Variants in SCFD1 observed in about 807,000 individuals in gnomAD.
The protein encoded by SCFD1 is sec1 family domain-containing protein 1.
Under a neutral mutation model 103.2 loss-of-function variants are expected in SCFD1, and 37 were observed. That is an observed-to-expected ratio of 0.36 (90% CI 0.28 to 0.47). The LOEUF is 0.47. SCFD1 is among the 20% of genes least tolerant of loss of function. The pLI, the probability that SCFD1 is intolerant of heterozygous loss-of-function variation, is 1.00. For missense variants in SCFD1, 639 were observed against 761.2 expected (o/e 0.84, Z 1.89); for synonymous variants, 264 against 245.0 (o/e 1.08, Z -0.73).
intron 10 of SCFD1, among the ~76,000 whole-genome samples, chr14:30,667,444 A>G (rs1318948228): frequency 1.3e-5 from 2 of 152,226 alleles, no homozygotes; most frequent in African/African-American, 2.4e-5. Context: ...CCTACAGCCA[A>G]TATCATACTG....
chr14:30,709,731 C>T (rs543835404), intron 19 of SCFD1, among the ~76,000 whole-genome samples: 12 of 152,290 alleles, frequency 7.9e-5, no homozygotes, highest in Admixed American at 4.6e-4. Flanking sequence ...CTATACTTTA[C>T]GGCTTAGCCT....
chr14:30,673,531 A>G (rs1290454988), intron 12 of SCFD1, among the ~76,000 whole-genome samples, 184 bp downstream of exon 12: 1 of 152,196 alleles, frequency 6.6e-6, no homozygotes, highest in African/African-American at 2.4e-5. Flanking sequence ...AAAATAATAT[A>G]TGATTTGAAA....
At chr14:30,649,728 G>T in intron 8 of SCFD1, 145 bp downstream of exon 8, 1 of 634,818 alleles carries the variant, frequency 1.6e-6, no homozygotes, top group South Asian at 1.9e-5. Flanking sequence ...TTATTACATT[G>T]AGATTGCACC....
chr14:30,645,471 C>A (rs1279685404), intron 7 of SCFD1, among the ~76,000 whole-genome samples: 1 of 152,098 alleles, frequency 6.6e-6, no homozygotes, highest in Non-Finnish European at 1.5e-5. Flanking sequence ...GAACATGGAA[C>A]GTTTTTCCAT....
rs73251178 is a variant in SCFD1, at chr14:30,651,906, A to G, written c.755+1256A>G. Among the ~76,000 whole-genome samples the G allele has an allele frequency of 8.9e-3, 1,356 of 152,312 alleles. 23 individuals are homozygous for G. The highest frequency in any genetic ancestry group is 0.03 in the African/African-American group (1,261 of 41,566). On this transcript the variant is annotated intron_variant, in intron 9 of 24. Coordinates refer to ENST00000458591, the MANE Select transcript of SCFD1 (RefSeq NM_016106.4). ...GACATGTTTGGTTGTCATAACTGGTAGGTGTTACTAGAATCTTGTATACAT... is the reference window on the plus strand; with the variant it reads ...GACATGTTTGGTTGTCATAACTGGTGGGTGTTACTAGAATCTTGTATACAT...
At chr14:30,650,476 T>C in intron 8 of SCFD1, 89 bp from the exon 9 acceptor site, 1 of 757,494 alleles carries the variant, frequency 1.3e-6, no homozygotes, top group Middle Eastern at 3.3e-4. Context: ...TCCAGGTTTC[T>C]TGGTTATGAA....
chr14:30,656,477 G>A (rs1886914613), intron 10 of SCFD1, among the ~76,000 whole-genome samples: 1 of 152,148 alleles, frequency 6.6e-6, no homozygotes, highest in Admixed American at 6.5e-5. Context: ...ATTGTAGGAT[G>A]TTTAGCATCA....
intron 21 of SCFD1, 144 bp downstream of exon 21, chr14:30,719,521 C>T (rs193249924): frequency 2.0e-4 from 126 of 626,618 alleles, no homozygotes; most frequent in African/African-American, 2.0e-3. Flanking sequence ...TCTCATTATC[C>T]AGAGATATCT....
At chr14:30,670,026 A>G in intron 10 of SCFD1, 2 of 376,476 alleles carry the variant, frequency 5.3e-6, no homozygotes, top group Non-Finnish European at 4.7e-6. Context: ...AGGATACACA[A>G]GCATATTGAC....
chr14:30,625,939 C>T (rs190529854), intron 1 of SCFD1, among the ~76,000 whole-genome samples: 12 of 152,124 alleles, frequency 7.9e-5, no homozygotes, highest in Admixed American at 3.3e-4. Context: ...CTCAGGCTTT[C>T]GTTCTTCCAA....
chr14:30,672,841 T>C (rs2139214902), intron 11 of SCFD1, among the ~76,000 whole-genome samples: 1 of 152,320 alleles, frequency 6.6e-6, no homozygotes, highest in East Asian at 1.9e-4. Flanking sequence ...AATGCTGTCT[T>C]TGTAGTTGCA....
intron 18 of SCFD1, among the ~76,000 whole-genome samples, chr14:30,707,624 GT>G (rs912805549): frequency 6.6e-6 from 1 of 151,428 alleles, no homozygotes; most frequent in Admixed American, 6.6e-5. Flanking sequence ...CTTTAAATTG[GT>G]TTTTTTTAGC....
At chr14:30,714,148 C>G (rs1025298009) in intron 19 of SCFD1, among the ~76,000 whole-genome samples, 2 of 151,084 alleles carry the variant, frequency 1.3e-5, no homozygotes, top group East Asian at 1.9e-4. Flanking sequence ...GAGATCGAGA[C>G]CATCCTGGCT....
chr14:30,624,146 TCC>T (rs2138962533), intron 1 of SCFD1, among the ~76,000 whole-genome samples: 1 of 152,324 alleles, frequency 6.6e-6, no homozygotes, highest in African/African-American at 2.4e-5. Flanking sequence ...TTGAAGGTCA[TCC>T]CACAAGCCAT....
At chr14:30,675,232 TAGGAATCC>T in intron 14 of SCFD1, 167 bp downstream of exon 14, 1 of 420,678 alleles carries the variant, frequency 2.4e-6, no homozygotes, top group East Asian at 3.7e-5. Context: ...TAAAGTAACC[TAGGAATCC>T]AGAAAGATAA....
intron 1 of SCFD1, among the ~76,000 whole-genome samples, chr14:30,625,746 G>A (rs944244211): frequency 8.6e-5 from 13 of 151,750 alleles, no homozygotes; most frequent in Non-Finnish European, 1.8e-4. Context: ...TAGGTATATT[G>A]ATATAGGTAA....
chr14:30,725,502 T>C (rs1347642232), intron 23 of SCFD1, among the ~76,000 whole-genome samples: 1 of 152,152 alleles, frequency 6.6e-6, no homozygotes, highest in Non-Finnish European at 1.5e-5. Context: ...TACTGTTGTA[T>C]AGGCATGCTA....
At chr14:30,642,191 A>T (rs905995290) in intron 6 of SCFD1, among the ~76,000 whole-genome samples, 2 of 152,032 alleles carry the variant, frequency 1.3e-5, no homozygotes, top group Admixed American at 1.3e-4. Flanking sequence ...AGTTTCAAGC[A>T]ATCCTCCTGC....
At chr14:30,636,145 G>C (rs72666427) in intron 4 of SCFD1, among the ~76,000 whole-genome samples, 1 of 151,916 alleles carries the variant, frequency 6.6e-6, no homozygotes, top group Non-Finnish European at 1.5e-5. Context: ...TTGGATACTA[G>C]ACACTCACAA....
Sources: allele counts gnomAD v4.1 joint callset (sites outside exome capture counted in the v4.1 genomes callset), GRCh38; gene constraint gnomAD v4.1.1; transcripts MANE v1.5; gene names NCBI Gene and HGNC (gene_info 2026-07-23, HGNC 2026-07-21).